The following EPHA5 variants were observed in gnomAD, a reference collection of about 807,000 sequenced individuals.
EPHA5 encodes the protein EPH receptor A5.
EPHA5 carries 60 observed loss-of-function variants against 105.0 expected under a neutral mutation model. The ratio of observed to expected loss-of-function variants is 0.57; its 90% confidence interval spans 0.46 to 0.71. The LOEUF (loss-of-function observed/expected upper bound fraction) is 0.71, where lower values mean the gene tolerates loss of function less well. EPHA5 is among the 30% of genes least tolerant of loss of function. EPHA5 has a pLI of 0.00. For synonymous variants in EPHA5, 513 were observed against 449.1 expected, an observed-to-expected ratio of 1.14 and a Z score of -1.80; for missense variants, 1,218 against 1,274.7, an observed-to-expected ratio of 0.96 and a Z score of 0.68.
chr4:65,328,005 G>T (rs955055216), intron 16 of EPHA5, among the ~76,000 whole-genome samples: 5 of 150,934 alleles, frequency 3.3e-5, no homozygotes, highest in Admixed American at 6.6e-5. Context: ...ATTTGGAAAT[G>T]GTACAAGGTA....
intron 1 of EPHA5, among the ~76,000 whole-genome samples, chr4:65,653,503 TACTCA>T (rs1748789813): frequency 6.6e-6 from 1 of 152,122 alleles, no homozygotes; most frequent in African/African-American, 2.4e-5. Flanking sequence ...AACATTTTAG[TACTCA>T]GAACTAATTA....
At position 65,321,008 on chromosome 4, in the gene EPHA5, CA is replaced by C. The variant is rs1257018587; in HGVS notation, c.*3105del. ...TTTACATCTTTACATAGAAATAGTA[CA>C]TTATGAAAAGAGCAACTGGTTATAT... On this transcript the variant is annotated 3_prime_UTR_variant, in exon 17 of 17. Transcript: ENST00000613740. 28 of 230,230 alleles carry C rather than the reference CA, an allele frequency of 1.2e-4. No individual in the cohort carries two copies. Among genetic ancestry groups the C allele is most frequent in the African/African-American group, 6.2e-4 (28 of 45,210 alleles). 14.3% of individuals were successfully genotyped at this position (230,230 alleles called of 1,614,324 possible).
chr4:65,403,528 G>T (rs1578029712), intron 8 of EPHA5, among the ~76,000 whole-genome samples: 2 of 151,990 alleles, frequency 1.3e-5, no homozygotes, highest in East Asian at 3.9e-4. Context: ...TAATGGCCTG[G>T]ATTTTAAAAA....
intron 3 of EPHA5, among the ~76,000 whole-genome samples, chr4:65,521,880 G>A (rs568603629): frequency 2.3e-4 from 35 of 152,116 alleles, no homozygotes; most frequent in African/African-American, 8.2e-4. Context: ...AGCAAGTTCA[G>A]CAGCAGCTGT....
intron 2 of EPHA5, among the ~76,000 whole-genome samples, chr4:65,635,720 C>T (rs115009792): frequency 6.6e-6 from 1 of 152,146 alleles, no homozygotes; most frequent in African/African-American, 2.4e-5. Flanking sequence ...ATAAAAATTT[C>T]CAGGGAAAGA....
chr4:65,631,602 C>G (rs1287149462), intron 2 of EPHA5, among the ~76,000 whole-genome samples: 1 of 152,004 alleles, frequency 6.6e-6, no homozygotes, highest in Admixed American at 6.6e-5. Context: ...ACACTGAGTC[C>G]TCAATATGGG....
intron 5 of EPHA5, among the ~76,000 whole-genome samples, chr4:65,454,012 G>A (rs2149113182): frequency 6.6e-6 from 1 of 152,240 alleles, no homozygotes; most frequent in South Asian, 2.1e-4. Flanking sequence ...CAGGCACGGT[G>A]GCTCACGCCT....
At chr4:65,498,890 T>A (rs545507663) in intron 3 of EPHA5, among the ~76,000 whole-genome samples, 2 of 151,830 alleles carry the variant, frequency 1.3e-5, no homozygotes, top group African/African-American at 4.8e-5. Context: ...CACCTTCAAA[T>A]CATGACCCTA....
At chr4:65,569,467 G>A (rs1309235526) in intron 3 of EPHA5, among the ~76,000 whole-genome samples, 2 of 151,452 alleles carry the variant, frequency 1.3e-5, no homozygotes, top group East Asian at 1.9e-4. Flanking sequence ...CTACCCCCAA[G>A]TAATTAAAAT....
chr4:65,518,435 CCA>C (rs945038893), intron 3 of EPHA5, among the ~76,000 whole-genome samples: 1 of 150,046 alleles, frequency 6.7e-6, no homozygotes, highest in Admixed American at 6.7e-5. Context: ...ACACACACAC[CCA>C]CACACACACA....
intron 3 of EPHA5, among the ~76,000 whole-genome samples, chr4:65,577,142 T>A (rs1354591963): frequency 1.3e-5 from 2 of 152,198 alleles, no homozygotes; most frequent in African/African-American, 4.8e-5. Context: ...GTTTGTTAAT[T>A]ATTATTTAAA....
chr4:65,545,806 T>C (rs772941749), intron 3 of EPHA5, among the ~76,000 whole-genome samples: 3 of 151,892 alleles, frequency 2.0e-5, no homozygotes, highest in Non-Finnish European at 4.4e-5. Flanking sequence ...GAACAACTTA[T>C]AAGGTCTGGA....
intron 3 of EPHA5, among the ~76,000 whole-genome samples, chr4:65,531,383 G>A (rs1735781948): frequency 6.6e-6 from 1 of 152,184 alleles, no homozygotes; most frequent in Admixed American, 6.5e-5. Context: ...GGAAAGTGGA[G>A]TTGATGTTTG....
intron 6 of EPHA5, among the ~76,000 whole-genome samples, chr4:65,414,874 A>G (rs1723245634): frequency 6.6e-6 from 1 of 152,220 alleles, no homozygotes; most frequent in South Asian, 2.1e-4. Context: ...GGTAAGACTT[A>G]TGCTTTAACT....
At chr4:65,531,123 C>T (rs1735746856) in intron 3 of EPHA5, among the ~76,000 whole-genome samples, 1 of 150,976 alleles carries the variant, frequency 6.6e-6, no homozygotes. Flanking sequence ...CTGCAAGCTC[C>T]GCTTCCCGGG....
intron 3 of EPHA5, among the ~76,000 whole-genome samples, chr4:65,598,097 C>A (rs1385547881): frequency 1.3e-5 from 2 of 152,048 alleles, no homozygotes; most frequent in Admixed American, 1.3e-4. Context: ...TAATTAAATT[C>A]TAATATAGTT....
intron 2 of EPHA5, among the ~76,000 whole-genome samples, chr4:65,615,373 A>G (rs1383722465): frequency 1.3e-5 from 2 of 151,908 alleles, no homozygotes; most frequent in Non-Finnish European, 2.9e-5. Flanking sequence ...AAGCTAAAAC[A>G]TTTTTGAAAA....
chr4:65,634,434 G>C (rs909692448), intron 2 of EPHA5, among the ~76,000 whole-genome samples: 5 of 151,952 alleles, frequency 3.3e-5, no homozygotes, highest in African/African-American at 1.2e-4. Context: ...AAGCAGAGAA[G>C]AACATTTTAA....
intron 8 of EPHA5, among the ~76,000 whole-genome samples, chr4:65,372,629 A>G (rs940300010): frequency 6.6e-5 from 10 of 151,916 alleles, no homozygotes; most frequent in Non-Finnish European, 1.5e-4. Flanking sequence ...AACGTACTTC[A>G]TTGAATATGG....
Sources: allele counts gnomAD v4.1 joint callset (sites outside exome capture counted in the v4.1 genomes callset), GRCh38; gene constraint gnomAD v4.1.1; transcripts MANE v1.5; gene names NCBI Gene and HGNC (gene_info 2026-07-23, HGNC 2026-07-21).